The following LRMDA variants were observed in gnomAD, a reference collection of about 807,000 sequenced individuals.
LRMDA encodes the protein leucine-rich melanocyte differentiation-associated protein.
LRMDA carries 18 observed loss-of-function variants against 29.8 expected under a neutral mutation model. That is an observed-to-expected ratio of 0.60 (90% CI 0.42 to 0.90). The LOEUF is 0.90. Ranked by LOEUF, LRMDA falls within the 40% of genes least tolerant of loss-of-function variation. LRMDA has a pLI of 0.00. For synonymous variants in LRMDA, 125 were observed against 109.4 expected (o/e 1.14, Z -0.89); for missense variants, 273 against 273.9 (o/e 1.00, Z 0.02).
chr10:75,757,682 G>A (rs1187950106), intron 2 of LRMDA, among the ~76,000 whole-genome samples: 1 of 152,098 alleles, frequency 6.6e-6, no homozygotes, highest in South Asian at 2.1e-4. Context: ...ACGGTACTTA[G>A]AACAGTGACT....
intron 2 of LRMDA, among the ~76,000 whole-genome samples, chr10:75,585,068 A>G (rs1256953257): frequency 6.6e-6 from 1 of 152,240 alleles, no homozygotes. Flanking sequence ...CAGCAGTGTC[A>G]TCACTATTCA....
chr10:75,625,529 T>C (rs893538772), intron 2 of LRMDA, among the ~76,000 whole-genome samples: 2 of 152,308 alleles, frequency 1.3e-5, no homozygotes, highest in South Asian at 4.2e-4. Context: ...GTGCCACTTA[T>C]TTGGTAAAAG....
intron 2 of LRMDA, among the ~76,000 whole-genome samples, chr10:75,593,875 C>T (rs545357813): frequency 6.6e-6 from 1 of 152,212 alleles, no homozygotes; most frequent in East Asian, 1.9e-4. Context: ...CCTGGCCAAG[C>T]GGCTTCCAGC....
At chr10:76,395,260 T>G (rs1251301475) in intron 6 of LRMDA, among the ~76,000 whole-genome samples, 1 of 152,206 alleles carries the variant, frequency 6.6e-6, no homozygotes, top group Non-Finnish European at 1.5e-5. Flanking sequence ...TTTTGCTCAA[T>G]GACTCCACCC....
intron 5 of LRMDA, among the ~76,000 whole-genome samples, chr10:76,091,929 C>T (rs1330631759): frequency 6.6e-6 from 1 of 152,162 alleles, no homozygotes; most frequent in Non-Finnish European, 1.5e-5. Context: ...CTCAAGGATC[C>T]TGGTGCCTTG....
At position 76,189,745 on chromosome 10, in the gene LRMDA, G is replaced by T. The variant is rs1851213026; in HGVS notation, c.516+130962G>T. On this transcript the variant is annotated intron_variant, in intron 5 of 6. Coordinates refer to ENST00000611255, the MANE Select transcript of LRMDA (RefSeq NM_001305581.2). ...TATGTGTTTGCTGTGGTGACCCAGG[G>T]CCCTTCAGCATACAGCTGGGAGCCT... 2.0e-5 allele frequency among the ~76,000 whole-genome samples: 3 copies of T among 152,114 alleles called. No homozygotes were observed. The South Asian group carries it at 6.2e-4, about 31-fold the overall frequency.
intron 2 of LRMDA, among the ~76,000 whole-genome samples, chr10:75,709,057 T>G (rs1842404389): frequency 6.6e-6 from 1 of 152,202 alleles, no homozygotes; most frequent in African/African-American, 2.4e-5. Context: ...TTATTTGCAT[T>G]GTCATTTGCA....
chr10:76,325,171 G>T (rs1381862195), intron 6 of LRMDA, among the ~76,000 whole-genome samples: 1 of 152,164 alleles, frequency 6.6e-6, no homozygotes, highest in African/African-American at 2.4e-5. Flanking sequence ...GTGAACAGGG[G>T]CTATTCTAGC....
chr10:75,893,426 G>A (rs1483089237), intron 2 of LRMDA, among the ~76,000 whole-genome samples: 1 of 152,234 alleles, frequency 6.6e-6, no homozygotes, highest in Non-Finnish European at 1.5e-5. Flanking sequence ...CCTGCCCTCA[G>A]AGACTTTCCA....
intron 2 of LRMDA, among the ~76,000 whole-genome samples, chr10:75,465,167 C>A (rs572217943): frequency 6.6e-6 from 1 of 152,316 alleles, no homozygotes; most frequent in African/African-American, 2.4e-5. Flanking sequence ...GGAAGAAAAT[C>A]ATCTCATCTG....
At chr10:76,379,624 T>C (rs1340138999) in intron 6 of LRMDA, among the ~76,000 whole-genome samples, 1 of 152,146 alleles carries the variant, frequency 6.6e-6, no homozygotes, top group African/African-American at 2.4e-5. Context: ...CTTGTTTAGC[T>C]AGCAGTTTAT....
chr10:76,310,418 A>G (rs950671196), intron 5 of LRMDA, among the ~76,000 whole-genome samples: 8 of 152,082 alleles, frequency 5.3e-5, no homozygotes, highest in Non-Finnish European at 1.0e-4. Flanking sequence ...GTAGTAACAA[A>G]AAAAGTATGG....
intron 2 of LRMDA, among the ~76,000 whole-genome samples, chr10:75,845,594 A>G (rs1321822696): frequency 6.6e-6 from 1 of 152,222 alleles, no homozygotes; most frequent in African/African-American, 2.4e-5. Flanking sequence ...GAAGTCCAGG[A>G]TGCCAGGTAG....
chr10:75,509,205 G>A (rs547082067), intron 2 of LRMDA, among the ~76,000 whole-genome samples: 20 of 152,112 alleles, frequency 1.3e-4, no homozygotes, highest in African/African-American at 4.3e-4. Flanking sequence ...CTCCTACCCC[G>A]TTCGTGGTGC....
At chr10:75,745,474 A>G (rs192596077) in intron 2 of LRMDA, among the ~76,000 whole-genome samples, 2 of 152,260 alleles carry the variant, frequency 1.3e-5, no homozygotes, top group East Asian at 3.9e-4. Context: ...ATATCTTCCC[A>G]TTTCTTTTAA....
At chr10:76,116,196 G>A (rs918611450) in intron 5 of LRMDA, among the ~76,000 whole-genome samples, 31 of 152,124 alleles carry the variant, frequency 2.0e-4, no homozygotes, top group Non-Finnish European at 4.4e-5. Flanking sequence ...TGTATCAAAC[G>A]GGTAGAGCTG....
At chr10:76,056,019 C>A (rs747598938) in intron 4 of LRMDA, among the ~76,000 whole-genome samples, 11 of 152,210 alleles carry the variant, frequency 7.2e-5, no homozygotes, top group Non-Finnish European at 1.5e-4. Flanking sequence ...AAGTTGTTGT[C>A]CCAGATCCAG....
chr10:76,134,951 C>T (rs1250057768), intron 5 of LRMDA, among the ~76,000 whole-genome samples: 1 of 152,122 alleles, frequency 6.6e-6, no homozygotes, highest in Non-Finnish European at 1.5e-5. Context: ...GGAAAAAGGA[C>T]TCAATACCCA....
chr10:76,269,775 T>G (rs914176806), intron 5 of LRMDA, among the ~76,000 whole-genome samples: 2 of 152,066 alleles, frequency 1.3e-5, no homozygotes, highest in African/African-American at 2.4e-5. Context: ...AACAGCCCCA[T>G]GAGATTGAGC....
Sources: gnomAD v4.1 joint callset for allele counts (sites outside exome capture counted in the v4.1 genomes callset) on GRCh38, gnomAD v4.1.1 for gene constraint, MANE v1.5 for transcripts, NCBI Gene and HGNC (gene_info 2026-07-23, HGNC 2026-07-21) for gene names.